ABCA5: variants seen among roughly 807,000 people sequenced by gnomAD.
ABCA5 encodes the protein ATP binding cassette subfamily A member 5.
A neutral mutation model predicts 206.0 loss-of-function variants in ABCA5; 163 were observed. That is an observed-to-expected ratio of 0.79 (90% CI 0.70 to 0.90). The LOEUF is 0.90. ABCA5 is among the 40% of genes least tolerant of loss of function. The pLI is 0.00. For synonymous variants in ABCA5, 609 were observed against 613.8 expected, an observed-to-expected ratio of 0.99 and a Z score of 0.11; for missense variants, 1,859 against 1,912.9, an observed-to-expected ratio of 0.97 and a Z score of 0.53.
intron 11 of ABCA5, among the ~76,000 whole-genome samples, chr17:69,293,071 A>C (rs2075545181): frequency 6.6e-6 from 1 of 152,150 alleles, no homozygotes; most frequent in Admixed American, 6.5e-5. Flanking sequence ...TAAAGACTGG[A>C]GACATTTTTG....
chr17:69,310,294 C>A (rs1015190767), intron 3 of ABCA5, among the ~76,000 whole-genome samples: 4 of 151,934 alleles, frequency 2.6e-5, no homozygotes, highest in Non-Finnish European at 5.9e-5. Context: ...CATCACCATG[C>A]CTGGCTAATT....
intron 19 of ABCA5, among the ~76,000 whole-genome samples, chr17:69,274,460 G>A (rs2075308545): frequency 6.6e-6 from 1 of 152,006 alleles, no homozygotes; most frequent in Non-Finnish European, 1.5e-5. Context: ...GCTCAAACAA[G>A]GAGCTTGCCT....
In ABCA5 at chr17:69,244,807, A is replaced by C. The variant is rs921531400; in HGVS notation, c.*2730T>G. 2.6e-5 allele frequency: 4 copies of C among 151,258 alleles called. No individual in the cohort carries two copies. Among genetic ancestry groups the C allele is most frequent in the Non-Finnish European group, 4.4e-5 (3 of 67,666 alleles). The allele number at this position is 151,258 out of a possible 1,614,324, so 9.4% of individuals were successfully genotyped here. A position where few individuals can be genotyped will look rare whatever the true frequency, so the allele number is the denominator to read the frequency against. ...ATAATAACAACACTTATCCTAAGTA[A>C]AATTAATTGTGCTCCTATAAAACGT... is the stretch of plus-strand genomic sequence containing the variant. On this transcript the variant is annotated 3_prime_UTR_variant, in exon 39 of 39. Transcript: ENST00000392676.
intron 1 of ABCA5, chr17:69,317,307 G>A (rs1420313387): frequency 6.7e-6 from 1 of 149,970 alleles, no homozygotes; most frequent in Non-Finnish European, 1.5e-5. Context: ...GGAAGCCGAG[G>A]CAGAATTGCT....
Position 69,306,913 on chromosome 17 carries a change from A to G in ABCA5, c.600T>C (p.Thr200=). ...CAGTTTCTCCCATAATAACAGCTTT[A>G]GTTGACTCCAGCTCCTTCCAAAGAG... The part of the protein sequence containing the change: ...NVSLWKELES[T]KAVIMGETAV... Residue 200 remains threonine, a synonymous_variant, in exon 6 of 39, where the codon ACT becomes ACC. Coordinates refer to ENST00000392676, the MANE Select transcript of ABCA5 (RefSeq NM_172232.4). 3 of 1,590,580 alleles carry G rather than the reference A, an allele frequency of 1.9e-6. No homozygotes were observed. The highest frequency in any genetic ancestry group is 1.7e-4 in the Middle Eastern group (1 of 5,954).
intron 17 of ABCA5, 106 bp from the exon 18 acceptor site, chr17:69,284,178 A>C: frequency 4.7e-6 from 4 of 854,726 alleles, no homozygotes; most frequent in Non-Finnish European, 6.5e-6. Flanking sequence ...GAAACATATC[A>C]TGACCCATCT....
intron 27 of ABCA5, among the ~76,000 whole-genome samples, chr17:69,260,121 T>C (rs1487438062): frequency 6.6e-6 from 1 of 151,888 alleles, no homozygotes; most frequent in Non-Finnish European, 1.5e-5. Flanking sequence ...ACAGAATTAA[T>C]AACATGTAAA....
rs1204968652 is a variant in ABCA5, at chr17:69,268,351, A to G, written c.3031-295T>C. On this transcript the variant is annotated intron_variant, in intron 22 of 38. Transcript: ENST00000392676. ...TAATCAGGCATATAAATTACGCTTC[A>G]CAATTTCATAAAAATGAATGATGTA... Among the ~76,000 whole-genome samples the G allele has an allele frequency of 2.6e-5, 4 of 152,256 alleles. No homozygotes were observed. In the South Asian group the frequency reaches 8.3e-4, roughly 32 times the overall value.
In ABCA5 at chr17:69,284,087, T is replaced by C; in HGVS notation, c.2273-15A>G. 6.5e-7 allele frequency: 1 copy of C among 1,530,276 alleles called. No individual in the cohort carries two copies. The highest frequency in any genetic ancestry group is 8.8e-7 in the Non-Finnish European group (1 of 1,142,124). 94.8% of individuals were successfully genotyped at this position (1,530,276 alleles called of 1,614,324 possible). A position where few individuals can be genotyped will look rare whatever the true frequency, so the allele number is the denominator to read the frequency against. On this transcript the variant is annotated splice_polypyrimidine_tract_variant and intron_variant, in intron 17 of 38. Transcript: ENST00000392676. Reference sequence around the variant, plus strand: ...AGAAAACAAACCTAAAAGAAAAAAATGAAAGAATAGTATATCTTTAAGCAT... The same window carrying C: ...AGAAAACAAACCTAAAAGAAAAAAACGAAAGAATAGTATATCTTTAAGCAT...
At chr17:69,293,864 G>T (rs9910449) in intron 11 of ABCA5, among the ~76,000 whole-genome samples, 13 of 102,140 alleles carry the variant, frequency 1.3e-4, no homozygotes, top group Admixed American at 5.0e-4. Context: ...GTGTGTGTGT[G>T]TGTGTGTGCG....
At position 69,286,184 on chromosome 17, in the gene ABCA5, T is replaced by C. The variant is rs773901941; in HGVS notation, c.2132+37A>G. 4 of 1,574,908 alleles carry C rather than the reference T, an allele frequency of 2.5e-6. No individual in the cohort carries two copies. In the South Asian group the frequency reaches 4.6e-5, roughly 18 times the overall value. ...CAACATAATAACAGTATAGCAAGAG[T>C]ATAATATAGAATAATGTCAATAAAA... On this transcript the variant is annotated intron_variant, in intron 16 of 38. Coordinates refer to ENST00000392676, the MANE Select transcript of ABCA5 (RefSeq NM_172232.4).
intron 20 of ABCA5, among the ~76,000 whole-genome samples, chr17:69,272,988 A>G (rs1233455832): frequency 6.6e-6 from 1 of 152,222 alleles, no homozygotes; most frequent in Non-Finnish European, 1.5e-5. Flanking sequence ...AGAATAGGAG[A>G]TGTTATAGGA....
intron 28 of ABCA5, 97 bp from the exon 29 acceptor site, chr17:69,256,380 C>A: frequency 1.5e-6 from 1 of 654,486 alleles, no homozygotes; most frequent in South Asian, 3.6e-5. Flanking sequence ...TGAAAAAATA[C>A]ACTAACATAA....
In ABCA5 at chr17:69,272,315, C is replaced by T. The variant is rs543772167; in HGVS notation, c.2765-1026G>A. Reference sequence around the variant, plus strand: ...GGTAAGATACCACCCAATATATATACACACAGAGGCCAGTGGTTCAAAAAA... The same window carrying T: ...GGTAAGATACCACCCAATATATATATACACAGAGGCCAGTGGTTCAAAAAA... On this transcript the variant is annotated intron_variant, in intron 20 of 38. Coordinates refer to ENST00000392676, the MANE Select transcript of ABCA5 (RefSeq NM_172232.4). 1.8e-4 allele frequency among the ~76,000 whole-genome samples: 28 copies of T among 152,110 alleles called. No homozygotes were observed. The Middle Eastern group carries it at 0.01, about 55-fold the overall frequency.
At chr17:69,251,484 A>C (rs983958911) in intron 35 of ABCA5, 2 of 389,148 alleles carry the variant, frequency 5.1e-6, no homozygotes, top group South Asian at 1.2e-4. Context: ...AATCCAATAT[A>C]TAACAATTTT....
intron 9 of ABCA5, among the ~76,000 whole-genome samples, chr17:69,298,260 G>A (rs893251026): frequency 8.1e-4 from 108 of 132,576 alleles, no homozygotes; most frequent in African/African-American, 3.0e-3. Flanking sequence ...AGGAAGGAAG[G>A]AAGGAAGGAA....
Position 69,289,863 on chromosome 17 carries a change from T to G in ABCA5, c.1781A>C (p.Glu594Ala), listed in dbSNP as rs149177252. Residue 594 changes from glutamate to alanine, a missense_variant and splice_region_variant, in exon 13 of 39, where the codon GAA becomes GCA. Physicochemically the swap from Glu to Ala is moderately radical, Grantham distance 107 (BLOSUM62 -1). Transcript: ENST00000392676. The stretch of plus-strand genomic sequence containing the variant: ...AAGATTTCTATATGAATAGCATACT[T>G]CTTGTATTATATTGTTGGCTGGTAT... ...KGIPANNIIQ[E>A]VQKVLLDLDM... 22 of 1,597,296 alleles carry G rather than the reference T, an allele frequency of 1.4e-5. No homozygotes were observed. Among genetic ancestry groups the G allele is most frequent in the Non-Finnish European group, 1.8e-5 (21 of 1,171,928 alleles).
rs1195736969 is a variant in ABCA5 at position 69,285,888 on chromosome 17, T to A, written c.2272+10A>T. On this transcript the variant is annotated intron_variant, in intron 17 of 38. Coordinates refer to ENST00000392676, the MANE Select transcript of ABCA5 (RefSeq NM_172232.4). ...AGTTCAAACACCAAGAGACTTAAAG[T>A]AAGTAATACCTGAAAATTTGTCCAT... 1.9e-6 allele frequency: 3 copies of A among 1,607,112 alleles called. No individual in the cohort carries two copies. The highest frequency in any genetic ancestry group is 2.5e-6 in the Non-Finnish European group (3 of 1,177,354).
chr17:69,300,593 T>C (rs1235496568), intron 9 of ABCA5, among the ~76,000 whole-genome samples: 4 of 152,164 alleles, frequency 2.6e-5, no homozygotes, highest in South Asian at 4.1e-4. Flanking sequence ...AAAAAATAAA[T>C]TGTTAATTGA....
Sources: allele counts gnomAD v4.1 joint callset (sites outside exome capture counted in the v4.1 genomes callset), GRCh38; gene constraint gnomAD v4.1.1; transcripts MANE v1.5; gene names NCBI Gene and HGNC (gene_info 2026-07-23, HGNC 2026-07-21).